The following GLUD1 variants were observed in gnomAD, a reference collection of about 807,000 sequenced individuals.
The protein encoded by GLUD1 is glutamate dehydrogenase 1.
A neutral mutation model predicts 56.0 loss-of-function variants in GLUD1; 22 were observed. The ratio of observed to expected loss-of-function variants is 0.39; its 90% CI spans 0.28 to 0.56. GLUD1 has a LOEUF of 0.56. Among genes scored for constraint, GLUD1 ranks in the 20% least tolerant of loss-of-function variants. GLUD1 has a pLI of 0.58. For missense variants in GLUD1, 451 were observed against 732.0 expected (o/e 0.62, Z 4.43); for synonymous variants, 223 against 269.9 (o/e 0.83, Z 1.70).
chr10:87,066,289 G>A (rs1846073456), intron 5 of GLUD1, among the ~76,000 whole-genome samples: 1 of 152,058 alleles, frequency 6.6e-6, no homozygotes, highest in African/African-American at 2.4e-5. Flanking sequence ...GGCCCCTGTA[G>A]TAGTCTCCTG....
chr10:87,074,658 A>G (rs1253175280), intron 3 of GLUD1, 44 bp from the exon 4 acceptor site: 4 of 1,095,668 alleles, frequency 3.7e-6, no homozygotes, highest in Non-Finnish European at 5.7e-6. Context: ...ATTGATATAA[A>G]AATCGCTTGA....
intron 6 of GLUD1, among the ~76,000 whole-genome samples, chr10:87,062,003 T>C (rs1412150879): frequency 1.3e-5 from 2 of 152,116 alleles, no homozygotes; most frequent in Non-Finnish European, 2.9e-5. Flanking sequence ...AGGATGGTCT[T>C]GATCTCTTGA....
chr10:87,079,145 A>G (rs1381440679), intron 1 of GLUD1, among the ~76,000 whole-genome samples: 1 of 152,174 alleles, frequency 6.6e-6, no homozygotes, highest in Non-Finnish European at 1.5e-5. Flanking sequence ...TTTGTACCTC[A>G]TAAATATATA....
chr10:87,060,663 G>C, intron 8 of GLUD1, 25 bp downstream of exon 8: 1 of 1,613,934 alleles, frequency 6.2e-7, no homozygotes, highest in Non-Finnish European at 8.5e-7. Context: ...GATAATGTTG[G>C]TTCTGGTTTC....
At chr10:87,085,047 A>C (rs1281003431) in intron 1 of GLUD1, among the ~76,000 whole-genome samples, 1 of 152,212 alleles carries the variant, frequency 6.6e-6, no homozygotes, top group Non-Finnish European at 1.5e-5. Flanking sequence ...GGAGCTAAGA[A>C]AAAGTACACA....
rs116372358 is a variant in GLUD1, at chr10:87,082,090, G to A, written c.446-5434C>T. Among the ~76,000 whole-genome samples, 1,311 of 152,072 alleles carry A rather than the reference G, an allele frequency of 8.6e-3. 15 individuals carry two copies. Among genetic ancestry groups the A allele is most frequent in the African/African-American group, 0.03 (1,243 of 41,476 alleles). ...CCTTGCTTTCTTAAGTGGAGGAAAT[G>A]TTACTTTCTTTTAACTTAGAAACTT... On this transcript the variant is annotated intron_variant, in intron 1 of 12. Coordinates refer to ENST00000277865, the MANE Select transcript of GLUD1 (RefSeq NM_005271.5).
chr10:87,087,640 G>A (rs1417172978), intron 1 of GLUD1, among the ~76,000 whole-genome samples: 7 of 152,170 alleles, frequency 4.6e-5, no homozygotes, highest in African/African-American at 1.7e-4. Flanking sequence ...ACTGTCACAA[G>A]CCCTTATTTC....
At chr10:87,081,509 G>C (rs1362355970) in intron 1 of GLUD1, among the ~76,000 whole-genome samples, 1 of 152,210 alleles carries the variant, frequency 6.6e-6, no homozygotes, top group Non-Finnish European at 1.5e-5. Context: ...TAGAAAGCGG[G>C]GAAAGGTGGG....
chr10:87,089,865 T>C (rs1187253121), intron 1 of GLUD1: 1 of 239,550 alleles, frequency 4.2e-6, no homozygotes, highest in Non-Finnish European at 6.8e-6. Flanking sequence ...AGACTGTTCA[T>C]GGTTATATTG....
At chr10:87,061,320 G>A (rs1022469638) in intron 6 of GLUD1, 6 of 565,516 alleles carry the variant, frequency 1.1e-5, no homozygotes, top group Admixed American at 2.2e-5. Flanking sequence ...TCAGGAGTTC[G>A]AGATCAGCCA....
Position 87,075,895 on chromosome 10 carries a change from C to T in GLUD1, c.582+73G>A. 2.9e-6 allele frequency: 3 copies of T among 1,048,664 alleles called. No homozygotes were observed. The South Asian group carries it at 3.8e-5, about 13-fold the overall frequency. The allele number at this position is 1,048,664 out of a possible 1,614,324, so 65.0% of individuals were successfully genotyped here. A position where few individuals can be genotyped will look rare whatever the true frequency, so the allele number is the denominator to read the frequency against. On this transcript the variant is annotated intron_variant, in intron 3 of 12. Transcript: ENST00000277865. ...CGCCATTGTACTCCGGCCTGAACAACAGAGGAAGACTCTGTCTCAGAAAAA... is the reference window on the plus strand; with the variant it reads ...CGCCATTGTACTCCGGCCTGAACAATAGAGGAAGACTCTGTCTCAGAAAAA...
chr10:87,087,007 G>A (rs1841400065), intron 1 of GLUD1, among the ~76,000 whole-genome samples: 1 of 152,042 alleles, frequency 6.6e-6, no homozygotes. Flanking sequence ...CAGCTCAAGG[G>A]CTCAGTCGCA....
Position 87,090,961 on chromosome 10 carries a change from G to C in GLUD1, c.445+3364C>G, listed in dbSNP as rs183505101. ...TAAACAATGACATCCCAGAGGCTGA[G>C]GGCGTCTTTAACACTGCATTGACTC... On this transcript the variant is annotated intron_variant, in intron 1 of 12. Coordinates refer to ENST00000277865, the MANE Select transcript of GLUD1 (RefSeq NM_005271.5). Among the ~76,000 whole-genome samples the C allele has an allele frequency of 2.2e-4, 34 of 152,202 alleles. No homozygotes were observed. In the East Asian group the frequency reaches 6.2e-3, roughly 28 times the overall value.
In GLUD1 at chr10:87,094,503, C is replaced by T; in HGVS notation, c.267G>A (p.Leu89=). 2 of 1,613,478 alleles carry T rather than the reference C, an allele frequency of 1.2e-6. No homozygotes were observed. Among genetic ancestry groups the T allele is most frequent in the Non-Finnish European group, 1.7e-6 (2 of 1,179,984 alleles). Reference sequence around the variant, plus strand: ...TCTGCTCCTCGCTCTCCCGGGTCCTCAGGTCCTCCACCAGCTTGTCCTCCA... The same window carrying T: ...TCTGCTCCTCGCTCTCCCGGGTCCTTAGGTCCTCCACCAGCTTGTCCTCCA... ...SIVEDKLVED[L]RTRESEEQKR... The change falls in exon 1 of 13, where the codon CTG becomes CTA. Residue 89 remains leucine (L), a synonymous_variant. Coordinates refer to ENST00000277865, the MANE Select transcript of GLUD1 (RefSeq NM_005271.5). This position sits in a 1 kb window ranked among gnomAD's most constrained non-coding sequence, Gnocchi z 6.6.
At chr10:87,079,927 C>T (rs868148478) in intron 1 of GLUD1, among the ~76,000 whole-genome samples, 13 of 125,924 alleles carry the variant, frequency 1.0e-4, no homozygotes, top group African/African-American at 3.9e-4. Context: ...CCTCTCCCTC[C>T]CCCTCTCCCT....
chr10:87,087,644 T>G (rs1019760320), intron 1 of GLUD1, among the ~76,000 whole-genome samples: 1 of 152,214 alleles, frequency 6.6e-6, no homozygotes, highest in Non-Finnish European at 1.5e-5. Context: ...TCACAAGCCC[T>G]TATTTCTCAT....
chr10:87,079,897 TCCCTCCCCCTCC>T (rs1219140309), intron 1 of GLUD1, among the ~76,000 whole-genome samples: 2 of 116,250 alleles, frequency 1.7e-5, no homozygotes, highest in Non-Finnish European at 3.5e-5. Flanking sequence ...GCTCTCCCTC[TCCCTCCCCCTCC>T]CCCTCCCCCT....
chr10:87,072,502 GGAGT>G (rs1846266252), intron 4 of GLUD1, among the ~76,000 whole-genome samples: 1 of 152,168 alleles, frequency 6.6e-6, no homozygotes, highest in African/African-American at 2.4e-5. Context: ...GGTTTGCCGA[GGAGT>G]GAGAGAAAAA....
intron 4 of GLUD1, among the ~76,000 whole-genome samples, chr10:87,069,537 A>G (rs1298341866): frequency 1.4e-5 from 2 of 145,388 alleles, no homozygotes; most frequent in East Asian, 4.0e-4. Flanking sequence ...AAAAAAAGTT[A>G]AACTATTAAA....
Sources: gnomAD v4.1 joint callset for allele counts (sites outside exome capture counted in the v4.1 genomes callset) on GRCh38, gnomAD v4.1.1 for gene constraint, Gnocchi (gnomAD v3.1) non-coding constraint, MANE v1.5 for transcripts, NCBI Gene and HGNC (gene_info 2026-07-23, HGNC 2026-07-21) for gene names.